Variants in SYT1 observed in about 807,000 individuals in gnomAD.
SYT1 encodes synaptotagmin 1.
In SYT1, 8 loss-of-function variants were observed where a neutral mutation model predicts 44.8. That is an observed-to-expected ratio of 0.18 (90% CI 0.10 to 0.32). The LOEUF is 0.32. SYT1 is among the 10% of genes least tolerant of loss of function. The pLI is 1.00. For missense variants in SYT1, 286 were observed against 509.3 expected, an observed-to-expected ratio of 0.56 and a Z score of 4.22; for synonymous variants, 154 against 188.8, an observed-to-expected ratio of 0.82 and a Z score of 1.51.
At chr12:79,039,798 G>T (rs1187350004) in intron 2 of SYT1, among the ~76,000 whole-genome samples, 2 of 115,472 alleles carry the variant, frequency 1.7e-5, no homozygotes, top group East Asian at 5.4e-4. Context: ...ACAGTCCCCA[G>T]AGTGTGATAT....
chr12:79,291,538 T>G (rs1051290743), intron 5 of SYT1, among the ~76,000 whole-genome samples: 3 of 152,212 alleles, frequency 2.0e-5, no homozygotes, highest in Non-Finnish European at 4.4e-5. Flanking sequence ...AACTATCTTT[T>G]TCATAGGAAA....
At chr12:78,903,410 T>G (rs1474628523) in intron 1 of SYT1, among the ~76,000 whole-genome samples, 1 of 151,990 alleles carries the variant, frequency 6.6e-6, no homozygotes, top group East Asian at 1.9e-4. Context: ...CTCAGCCTCC[T>G]GTGTAGCCTG....
chr12:79,234,219 T>A (rs1423856949), intron 4 of SYT1, among the ~76,000 whole-genome samples: 2 of 152,208 alleles, frequency 1.3e-5, no homozygotes, highest in Non-Finnish European at 2.9e-5. Flanking sequence ...TATATGTAAA[T>A]CACACTCAAA....
chr12:78,943,316 T>C (rs1049851333), intron 1 of SYT1, among the ~76,000 whole-genome samples: 1 of 152,142 alleles, frequency 6.6e-6, no homozygotes, highest in African/African-American at 2.4e-5. Context: ...AGAAGCATGG[T>C]CTTGGCATCT....
chr12:78,912,183 A>T (rs1296228075), intron 1 of SYT1, among the ~76,000 whole-genome samples: 1 of 151,946 alleles, frequency 6.6e-6, no homozygotes, highest in Non-Finnish European at 1.5e-5. Flanking sequence ...AGATTTATTC[A>T]TATATTTTTA....
At chr12:79,214,630 G>A (rs1280029694) in intron 3 of SYT1, among the ~76,000 whole-genome samples, 2 of 152,204 alleles carry the variant, frequency 1.3e-5, no homozygotes, top group Non-Finnish European at 2.9e-5. Context: ...AAACAACTGT[G>A]TAATCACTTG....
intron 1 of SYT1, among the ~76,000 whole-genome samples, chr12:78,902,881 A>T (rs777631503): frequency 1.3e-5 from 2 of 152,168 alleles, no homozygotes; most frequent in African/African-American, 4.8e-5. Flanking sequence ...TGAAGCTCCA[A>T]ATAAACATAC....
intron 8 of SYT1, among the ~76,000 whole-genome samples, chr12:79,333,999 C>T (rs1349761733): frequency 6.6e-6 from 1 of 152,048 alleles, no homozygotes; most frequent in East Asian, 1.9e-4. Flanking sequence ...CTTCTGGAAA[C>T]ATTGATACCC....
At chr12:78,959,044 A>C (rs544237070) in intron 1 of SYT1, among the ~76,000 whole-genome samples, 2 of 152,290 alleles carry the variant, frequency 1.3e-5, no homozygotes, top group South Asian at 4.1e-4. Flanking sequence ...AAAAAGCTAT[A>C]AAACTGCAGC....
chr12:79,438,049 T>C (rs989842776), intron 9 of SYT1, among the ~76,000 whole-genome samples: 2 of 152,114 alleles, frequency 1.3e-5, no homozygotes, highest in Admixed American at 1.3e-4. Flanking sequence ...TCAGGAATTA[T>C]CTGGAAAAGA....
At chr12:79,033,861 AC>A (rs1219856467) in intron 2 of SYT1, among the ~76,000 whole-genome samples, 1 of 151,380 alleles carries the variant, frequency 6.6e-6, no homozygotes, top group Non-Finnish European at 1.5e-5. Flanking sequence ...TCTAGTACTT[AC>A]CTCTTCACTT....
At chr12:78,968,846 G>A (rs1232714408) in intron 1 of SYT1, among the ~76,000 whole-genome samples, 4 of 152,108 alleles carry the variant, frequency 2.6e-5, no homozygotes, top group Non-Finnish European at 5.9e-5. Context: ...GCTCATATAG[G>A]CCAGATACTA....
chr12:79,284,506 C>G (rs1018534598), intron 4 of SYT1, among the ~76,000 whole-genome samples: 18 of 151,976 alleles, frequency 1.2e-4, no homozygotes, highest in Non-Finnish European at 2.9e-5. Flanking sequence ...GTCCTGAGCT[C>G]TCTGCCTTAC....
intron 3 of SYT1, among the ~76,000 whole-genome samples, chr12:79,135,268 A>G (rs927416350): frequency 3.9e-5 from 3 of 77,652 alleles, no homozygotes; most frequent in African/African-American, 1.4e-4. Context: ...CCCATCCCAC[A>G]ACAGTCCCCA....
At chr12:79,016,072 A>G (rs1199537127) in intron 2 of SYT1, among the ~76,000 whole-genome samples, 1 of 152,184 alleles carries the variant, frequency 6.6e-6, no homozygotes, top group African/African-American at 2.4e-5. Flanking sequence ...CATTCAGCTA[A>G]TACAACTGAG....
At chr12:79,432,119 A>C (rs1869825326) in intron 9 of SYT1, among the ~76,000 whole-genome samples, 1 of 152,170 alleles carries the variant, frequency 6.6e-6, no homozygotes, top group African/African-American at 2.4e-5. Context: ...TAACATGTTC[A>C]AGGTTTCTCT....
At chr12:79,389,729 A>G (rs1301291262) in intron 9 of SYT1, among the ~76,000 whole-genome samples, 1 of 152,146 alleles carries the variant, frequency 6.6e-6, no homozygotes, top group Non-Finnish European at 1.5e-5. Context: ...ATGGTTGAGG[A>G]GATTCAACTC....
At chr12:78,972,368 T>A (rs1226892854) in intron 1 of SYT1, among the ~76,000 whole-genome samples, 1 of 152,060 alleles carries the variant, frequency 6.6e-6, no homozygotes, top group Non-Finnish European at 1.5e-5. Context: ...TTGCCAAGGT[T>A]CACTGAATCT....
At chr12:79,072,390 C>A (rs1487221660) in intron 3 of SYT1, among the ~76,000 whole-genome samples, 1 of 151,858 alleles carries the variant, frequency 6.6e-6, no homozygotes, top group Non-Finnish European at 1.5e-5. Flanking sequence ...ACTTCAAAGT[C>A]AAAAATGTGA....
Sources: gnomAD v4.1 joint callset for allele counts (sites outside exome capture counted in the v4.1 genomes callset) on GRCh38, gnomAD v4.1.1 for gene constraint, MANE v1.5 for transcripts, NCBI Gene and HGNC (gene_info 2026-07-23, HGNC 2026-07-21) for gene names.